The following SUB1 variants were observed in gnomAD, a reference collection of about 807,000 sequenced individuals.
SUB1 encodes SUB1 regulator of transcription, also known as activated RNA polymerase II transcriptional coactivator p15.
SUB1 carries 1 observed loss-of-function variant against 16.9 expected under a neutral mutation model. The observed-to-expected ratio is 0.06, with a 90% CI of 0.02 to 0.28. The LOEUF is 0.28. Among genes scored for constraint, SUB1 ranks in the 10% least tolerant of loss-of-function variants. The pLI, the probability that SUB1 is intolerant of heterozygous loss-of-function variation, is 1.00. For missense variants in SUB1, 84 were observed against 145.2 expected, an observed-to-expected ratio of 0.58 and a Z score of 2.16; for synonymous variants, 51 against 46.9, an observed-to-expected ratio of 1.09 and a Z score of -0.36.
chr5:32,600,895 G>A (rs543718483), intron 4 of SUB1, 110 bp from the exon 5 acceptor site: 791 of 944,990 alleles, frequency 8.4e-4, no homozygotes, highest in Non-Finnish European at 1.2e-3. Flanking sequence ...GTGAGCCACC[G>A]CGCCCAGCCT....
At chr5:32,593,643 C>T (rs944527861) in intron 3 of SUB1, among the ~76,000 whole-genome samples, 2 of 151,992 alleles carry the variant, frequency 1.3e-5, no homozygotes, top group South Asian at 2.1e-4. Flanking sequence ...CCTCCTAAGG[C>T]TGACATTGCA....
chr5:32,592,488 T>A lies in SUB1; in HGVS notation c.195+803T>A, dbSNP rs530229718. Reference sequence around the variant, plus strand: ...GTTTTAGGGAGACTTGACACTGGCATCTTTGTACAAGAAGGATTTGTGAGG... The same window carrying A: ...GTTTTAGGGAGACTTGACACTGGCAACTTTGTACAAGAAGGATTTGTGAGG... On this transcript the variant is annotated intron_variant, in intron 3 of 4. Transcript: ENST00000265073. Among the ~76,000 whole-genome samples, 4 of 152,330 alleles carry A rather than the reference T, an allele frequency of 2.6e-5. 1 individual carries two copies. In the South Asian group the frequency reaches 8.3e-4, roughly 32 times the overall value.
chr5:32,600,481 C>T (rs1210683142), intron 4 of SUB1, among the ~76,000 whole-genome samples: 1 of 152,134 alleles, frequency 6.6e-6, no homozygotes, highest in Non-Finnish European at 1.5e-5. Context: ...AGGTACTATG[C>T]AGGATGCACT....
chr5:32,597,763 G>A (rs1739004870), intron 3 of SUB1: 1 of 152,172 alleles, frequency 6.6e-6, no homozygotes. Context: ...ATAGCCTACT[G>A]TTGACTGGTA....
Position 32,602,315 on chromosome 5 carries a change from G to T in SUB1, c.*1231G>T. On this transcript the variant is annotated 3_prime_UTR_variant, in exon 5 of 5. Transcript: ENST00000265073. ...TGAAATTAAAGGAGGCGGCAGTGAA[G>T]AGGAAATAATTCTCTTCTATCTAAA... 1 of 433,298 alleles carries T rather than the reference G, an allele frequency of 2.3e-6. No individual in the cohort carries two copies. Among genetic ancestry groups the T allele is most frequent in the South Asian group, 1.6e-5 (1 of 60,632 alleles). 26.8% of individuals were successfully genotyped at this position (433,298 alleles called of 1,614,324 possible). A position where few individuals can be genotyped will look rare whatever the true frequency, so the allele number is the denominator to read the frequency against.
At chr5:32,597,242 C>G (rs1441043426) in intron 3 of SUB1, 1 of 152,166 alleles carries the variant, frequency 6.6e-6, no homozygotes, top group African/African-American at 2.4e-5. Flanking sequence ...AACAACAGTT[C>G]CCCTTCTCCC....
chr5:32,592,084 T>A (rs1381495250), intron 3 of SUB1, among the ~76,000 whole-genome samples: 2 of 152,244 alleles, frequency 1.3e-5, no homozygotes, highest in African/African-American at 4.8e-5. Context: ...GATAATTGCC[T>A]AATATGTATG....
At position 32,601,261 on chromosome 5, in the gene SUB1, T is replaced by G. The variant is rs1435003766; in HGVS notation, c.*177T>G. The stretch of plus-strand genomic sequence containing the variant: ...ATTAAAAATATTGAGTGAAGCTAAT[T>G]GTCAACTTTATTAAGGATTACTTTG... On this transcript the variant is annotated 3_prime_UTR_variant, in exon 5 of 5. Transcript: ENST00000265073. 1.1e-5 allele frequency: 6 copies of G among 563,712 alleles called. No individual in the cohort carries two copies. The highest frequency in any genetic ancestry group is 9.6e-5 in the African/African-American group (5 of 51,960). The allele number at this position is 563,712 out of a possible 1,614,324, so 34.9% of individuals were successfully genotyped here. A position where few individuals can be genotyped will look rare whatever the true frequency, so the allele number is the denominator to read the frequency against.
chr5:32,594,066 A>G (rs532338275), intron 3 of SUB1, among the ~76,000 whole-genome samples: 1 of 152,306 alleles, frequency 6.6e-6, no homozygotes, highest in East Asian at 1.9e-4. Flanking sequence ...ACTTAATTTC[A>G]TTGCCATTAC....
chr5:32,587,056 G>A (rs1235913330), intron 1 of SUB1, among the ~76,000 whole-genome samples: 1 of 152,106 alleles, frequency 6.6e-6, no homozygotes, highest in African/African-American at 2.4e-5. Flanking sequence ...AGTGTGTGAT[G>A]TGTTTATTAG....
At chr5:32,596,275 CCT>C (rs2111676287) in intron 3 of SUB1, 1 of 152,312 alleles carries the variant, frequency 6.6e-6, no homozygotes, top group Admixed American at 6.5e-5. Flanking sequence ...TCTGCTTCTT[CCT>C]CAGGCTCTCC....
intron 2 of SUB1, among the ~76,000 whole-genome samples, chr5:32,589,817 T>A (rs1454390461): frequency 6.6e-6 from 1 of 152,124 alleles, no homozygotes; most frequent in Non-Finnish European, 1.5e-5. Flanking sequence ...GACCTGTGAT[T>A]TCCGAAAGTT....
At chr5:32,587,613 A>ATT (rs550698846) in intron 1 of SUB1, among the ~76,000 whole-genome samples, 5 of 143,894 alleles carry the variant, frequency 3.5e-5, no homozygotes, top group Admixed American at 1.4e-4. Flanking sequence ...ATTGTGTAAG[A>ATT]TTTTTTTTTT....
In SUB1 at chr5:32,596,616, G is replaced by A. The variant is rs779324476; in HGVS notation, c.196-2345G>A. Reference sequence around the variant, plus strand: ...GTCTTCCCCACCCCAAATGCAGATAGCCTGTTGTTTCAACACCATTTGTTG... The same window carrying A: ...GTCTTCCCCACCCCAAATGCAGATAACCTGTTGTTTCAACACCATTTGTTG... On this transcript the variant is annotated intron_variant, in intron 3 of 4. Transcript: ENST00000265073. The A allele has an allele frequency of 5.9e-5, 9 of 152,224 alleles. 1 individual carries two copies. In the South Asian group the frequency reaches 6.2e-4, roughly 11 times the overall value. 9.4% of individuals were successfully genotyped at this position (152,224 alleles called of 1,614,324 possible). A position where few individuals can be genotyped will look rare whatever the true frequency, so the allele number is the denominator to read the frequency against.
intron 1 of SUB1, chr5:32,586,106 G>A (rs954385614): frequency 1.3e-5 from 2 of 152,252 alleles, no homozygotes; most frequent in African/African-American, 4.8e-5. Context: ...GGAACGCTTC[G>A]AGAGAAGAAA....
intron 3 of SUB1, among the ~76,000 whole-genome samples, chr5:32,594,262 C>A (rs547845191): frequency 2.0e-5 from 3 of 152,256 alleles, no homozygotes; most frequent in Non-Finnish European, 2.9e-5. Context: ...GAAGAACTTT[C>A]TTCCATAGGG....
At chr5:32,589,595 A>G (rs1046664389) in intron 2 of SUB1, among the ~76,000 whole-genome samples, 5 of 152,184 alleles carry the variant, frequency 3.3e-5, no homozygotes, top group Non-Finnish European at 5.9e-5. Context: ...CTGCACCGTA[A>G]TTGGTGAATT....
intron 1 of SUB1, among the ~76,000 whole-genome samples, chr5:32,586,751 T>C (rs554610433): frequency 6.6e-6 from 1 of 152,326 alleles, no homozygotes; most frequent in Admixed American, 6.5e-5. Context: ...CTAAATTGAT[T>C]TTAGAGATGA....
chr5:32,595,929 G>A (rs570259867), intron 3 of SUB1: 1 of 151,808 alleles, frequency 6.6e-6, no homozygotes, highest in Non-Finnish European at 1.5e-5. Context: ...CATCTTTAGT[G>A]TGTTTATTGG....
Sources: allele counts gnomAD v4.1 joint callset (sites outside exome capture counted in the v4.1 genomes callset), GRCh38; gene constraint gnomAD v4.1.1; transcripts MANE v1.5; gene names NCBI Gene and HGNC (gene_info 2026-07-23, HGNC 2026-07-21).